Variants in ZNF395 observed in about 807,000 individuals in gnomAD.
The protein encoded by ZNF395 is HD gene regulatory region-binding protein 2.
Under a neutral mutation model 57.7 loss-of-function variants are expected in ZNF395, and 20 were observed. The ratio of observed to expected loss-of-function variants is 0.35; its 90% CI spans 0.24 to 0.50. The LOEUF (loss-of-function observed/expected upper bound fraction) is 0.50, where lower values mean the gene tolerates loss of function less well. Among genes scored for constraint, ZNF395 ranks in the 20% least tolerant of loss-of-function variants. The pLI is 0.97. For missense variants in ZNF395, 606 were observed against 671.2 expected (o/e 0.90, Z 1.07); for synonymous variants, 295 against 275.9 (o/e 1.07, Z -0.69).
intron 4 of ZNF395, among the ~76,000 whole-genome samples, chr8:28,354,463 T>C (rs1801756009): frequency 6.6e-6 from 1 of 152,204 alleles, no homozygotes. Context: ...AGCACATCCC[T>C]TGTGGCCAGG....
intron 3 of ZNF395, among the ~76,000 whole-genome samples, chr8:28,358,453 T>C (rs1171761598): frequency 1.3e-5 from 2 of 152,108 alleles, no homozygotes; most frequent in Non-Finnish European, 1.5e-5. Flanking sequence ...TTTTTGTTTT[T>C]AGAGCAGAGT....
intron 1 of ZNF395, chr8:28,385,125 A>C (rs1207220315): frequency 2.0e-5 from 3 of 152,274 alleles, no homozygotes; most frequent in Admixed American, 1.3e-4. Flanking sequence ...AGGGGGTTCT[A>C]AGAAAAGCAG....
In ZNF395 at chr8:28,348,801, C is replaced by A; in HGVS notation, c.1460G>T (p.Arg487Leu). The change falls in exon 10 of 10, where the codon CGC (arginine) becomes CTC (leucine). Residue 487 changes from arginine to leucine, a missense_variant. Around this residue, in one of 3 missense-constraint regions of ZNF395, gnomAD observed 36 missense variants for 56.2 expected, o/e 0.64. Coordinates refer to ENST00000344423, the MANE Select transcript of ZNF395 (RefSeq NM_018660.3). ...CCGGTGCTCGATGCCATACACCTTGCGGCACTTCTTAGCCTCCCCTCGGGC... is the reference window on the plus strand; with the variant it reads ...CCGGTGCTCGATGCCATACACCTTGAGGCACTTCTTAGCCTCCCCTCGGGC... ...RKARGEAKKC[R>L]KVYGIEHRDQ... 6.2e-7 allele frequency: 1 copy of A among 1,614,080 alleles called. No individual in the cohort carries two copies. The highest frequency in any genetic ancestry group is 8.5e-7 in the Non-Finnish European group (1 of 1,180,022).
intron 1 of ZNF395, among the ~76,000 whole-genome samples, chr8:28,368,966 GCTGGGATTA>G (rs1051199314): frequency 6.6e-6 from 1 of 151,958 alleles, no homozygotes; most frequent in Non-Finnish European, 1.5e-5. Context: ...CTCCCAAGTA[GCTGGGATTA>G]CAGGTGCCTG....
chr8:28,380,716 T>G (rs1005521162), intron 1 of ZNF395, among the ~76,000 whole-genome samples: 5 of 152,234 alleles, frequency 3.3e-5, no homozygotes, highest in Non-Finnish European at 5.9e-5. Flanking sequence ...TCTGGCCTAG[T>G]AAACAAACCA....
At chr8:28,381,975 C>G (rs1387184843) in intron 1 of ZNF395, among the ~76,000 whole-genome samples, 1 of 152,164 alleles carries the variant, frequency 6.6e-6, no homozygotes, top group Non-Finnish European at 1.5e-5. Context: ...ACAGAAATAT[C>G]TCAGATTCCA....
intron 1 of ZNF395, among the ~76,000 whole-genome samples, chr8:28,371,833 A>G (rs868228010): frequency 6.6e-6 from 1 of 152,128 alleles, no homozygotes; most frequent in Non-Finnish European, 1.5e-5. Flanking sequence ...TGGATCACTT[A>G]AGGTGAGGAG....
Position 28,349,128 on chromosome 8 carries a change from G to C in ZNF395, c.1427C>G (p.Ala476Gly). The C allele has an allele frequency of 6.4e-7, 1 of 1,566,196 alleles. No homozygotes were observed. Among genetic ancestry groups the C allele is most frequent in the Non-Finnish European group, 8.6e-7 (1 of 1,157,160 alleles). Residue 476 changes from alanine (A) to glycine (G), a missense_variant, in exon 9 of 10, where the codon GCC becomes GGC. Ala to Gly is a moderately conservative substitution (Grantham distance 60). This residue lies in a region of ZNF395 where 36 missense variants were observed against 56.2 expected (regional missense o/e 0.64). Transcript: ENST00000344423. ...VTSPPRAQSG[A>G]RKARGEAKKC... is the part of the protein sequence containing the mutation. The stretch of plus-strand genomic sequence containing the variant: ...GGGACGACAGCGGACATCTCACCTG[G>C]CACCACTCTGGGCCCGGGGTGGAGA...
At chr8:28,357,920 G>A (rs908148487) in intron 3 of ZNF395, among the ~76,000 whole-genome samples, 6 of 152,060 alleles carry the variant, frequency 3.9e-5, no homozygotes, top group African/African-American at 1.4e-4. Flanking sequence ...TGTACATACA[G>A]CATATAACAT....
At chr8:28,373,310 T>C (rs963926292) in intron 1 of ZNF395, among the ~76,000 whole-genome samples, 3 of 152,156 alleles carry the variant, frequency 2.0e-5, no homozygotes, top group African/African-American at 7.2e-5. Context: ...AATGCATGGG[T>C]TTGATCTGAT....
rs1437249561 is a variant in ZNF395, at chr8:28,347,461, C to T, written c.*1258G>A. The T allele has an allele frequency of 1.3e-5, 2 of 152,316 alleles. No homozygotes were observed. Among genetic ancestry groups the T allele is most frequent in the Non-Finnish European group, 2.9e-5 (2 of 68,130 alleles). 9.4% of individuals were successfully genotyped at this position (152,316 alleles called of 1,614,324 possible). A position where few individuals can be genotyped will look rare whatever the true frequency, so the allele number is the denominator to read the frequency against. ...CGCAGGGCTGGTTGGCATGGTGCTA[C>T]ACTCCCGAGACCTCCCTCCTTCTCC... On this transcript the variant is annotated 3_prime_UTR_variant, in exon 10 of 10. Transcript: ENST00000344423.
intron 1 of ZNF395, 32 bp from the exon 2 acceptor site, chr8:28,361,214 C>A (rs543221085): frequency 2.5e-6 from 4 of 1,576,560 alleles, no homozygotes; most frequent in African/African-American, 1.3e-5. Context: ...CAGGAGGGAG[C>A]CCCACACAGC....
At position 28,346,267 on chromosome 8, in the gene ZNF395, G is replaced by A. The variant is rs542502710; in HGVS notation, c.*2452C>T. 2.6e-5 allele frequency: 4 copies of A among 152,294 alleles called. No homozygotes were observed. The highest frequency in any genetic ancestry group is 7.2e-5 in the African/African-American group (3 of 41,548). 9.4% of individuals were successfully genotyped at this position (152,294 alleles called of 1,614,324 possible). ...TCCATCAGAGTCTGCTGCCCGGGTG[G>A]GCTGGGAAGGAGGGAGATACAAAGA... On this transcript the variant is annotated 3_prime_UTR_variant, in exon 10 of 10. Coordinates refer to ENST00000344423, the MANE Select transcript of ZNF395 (RefSeq NM_018660.3).
intron 1 of ZNF395, among the ~76,000 whole-genome samples, chr8:28,375,628 A>T (rs1802031637): frequency 1.3e-5 from 2 of 152,202 alleles, no homozygotes; most frequent in South Asian, 4.1e-4. Context: ...ACCTCAATTT[A>T]AAAAAGAACT....
chr8:28,351,966 C>A (rs1023308042), intron 6 of ZNF395, among the ~76,000 whole-genome samples, 159 bp from the exon 7 acceptor site: 7 of 152,180 alleles, frequency 4.6e-5, no homozygotes, highest in African/African-American at 1.7e-4. Flanking sequence ...ACGGGTGTCA[C>A]CAGGATTATG....
chr8:28,364,392 T>C (rs537038981), intron 1 of ZNF395, among the ~76,000 whole-genome samples: 3 of 152,234 alleles, frequency 2.0e-5, no homozygotes, highest in Non-Finnish European at 4.4e-5. Context: ...GGCTCACGCC[T>C]GTAATCCCAA....
intron 1 of ZNF395, among the ~76,000 whole-genome samples, chr8:28,364,447 G>A (rs1272300523): frequency 6.6e-6 from 1 of 152,098 alleles, no homozygotes; most frequent in African/African-American, 2.4e-5. Context: ...AGGTCGGGAG[G>A]TTCAAGACCA....
At chr8:28,350,251 G>A (rs1801664913) in intron 7 of ZNF395, 95 bp from the exon 8 acceptor site, 3 of 1,045,046 alleles carry the variant, frequency 2.9e-6, no homozygotes, top group East Asian at 5.3e-5. Flanking sequence ...AGCAGAAGGT[G>A]CATCTCTGCG....
chr8:28,348,856 G>A lies in ZNF395; in HGVS notation c.1431-26C>T, dbSNP rs371985621. The A allele has an allele frequency of 1.7e-5, 28 of 1,611,090 alleles. No homozygotes were observed. The African/African-American group carries it at 2.3e-4, about 13-fold the overall frequency. On this transcript the variant is annotated intron_variant, in intron 9 of 9. Transcript: ENST00000344423. Reference sequence around the variant, plus strand: ...CTGCAGAAAGAGAGGAATGCAAATCGAGCCCCACACAGGTGGTGGGCCCAG... The same window carrying A: ...CTGCAGAAAGAGAGGAATGCAAATCAAGCCCCACACAGGTGGTGGGCCCAG...
Sources: gnomAD v4.1 joint callset for allele counts (sites outside exome capture counted in the v4.1 genomes callset) on GRCh38, gnomAD v4.1.1 for gene constraint, gnomAD v4.1.1 regional missense constraint, MANE v1.5 for transcripts, NCBI Gene and HGNC (gene_info 2026-07-23, HGNC 2026-07-21) for gene names.